PIK3CB: variants seen among roughly 807,000 people sequenced by gnomAD.
The protein encoded by PIK3CB is phosphatidylinositol 4,5-bisphosphate 3-kinase catalytic subunit beta isoform.
In PIK3CB, 39 loss-of-function variants were observed where a neutral mutation model predicts 136.8. The ratio of observed to expected loss-of-function variants is 0.29; its 90% CI spans 0.22 to 0.37. The LOEUF (loss-of-function observed/expected upper bound fraction) is 0.37, where lower values mean the gene tolerates loss of function less well. PIK3CB is among the 10% of genes least tolerant of loss of function. The pLI, the probability that PIK3CB is intolerant of heterozygous loss-of-function variation, is 1.00. For synonymous variants in PIK3CB, 428 were observed against 436.6 expected, an observed-to-expected ratio of 0.98 and a Z score of 0.25; for missense variants, 868 against 1,275.4, an observed-to-expected ratio of 0.68 and a Z score of 4.87.
chr3:138,779,435 G>C (rs1216093633), intron 2 of PIK3CB, among the ~76,000 whole-genome samples: 1 of 130,610 alleles, frequency 7.7e-6, no homozygotes, highest in Non-Finnish European at 1.5e-5. Context: ...CTGTCACCCA[G>C]GATGGAGTAC....
rs776875848 is a variant in PIK3CB, at chr3:138,785,216, CG to C, written c.-17+11246del. 3.7e-3 allele frequency among the ~76,000 whole-genome samples: 553 copies of C among 151,390 alleles called. 3 individuals are homozygous for C. The highest frequency in any genetic ancestry group is 6.9e-3 in the Middle Eastern group (2 of 290). On this transcript the variant is annotated intron_variant, in intron 2 of 23. Transcript: ENST00000674063. Reference sequence around the variant, plus strand: ...GGGGGGCAGCCCCCGCCCGGCCAGCCGCCCTGTCCCGGAGGGAGGCGGGGGG... The same window carrying C: ...GGGGGGCAGCCCCCGCCCGGCCAGCCCCCTGTCCCGGAGGGAGGCGGGGGG...
intron 1 of PIK3CB, among the ~76,000 whole-genome samples, chr3:138,820,463 C>A (rs1243162747): frequency 6.6e-6 from 1 of 152,144 alleles, no homozygotes; most frequent in Non-Finnish European, 1.5e-5. Context: ...TAAAATGATT[C>A]CACATCAGTA....
At chr3:138,699,176 A>G in intron 12 of PIK3CB, 81 bp from the exon 13 acceptor site, 1 of 413,296 alleles carries the variant, frequency 2.4e-6, no homozygotes, top group Non-Finnish European at 4.0e-6. Flanking sequence ...ATATATTTAT[A>G]TATAATAAAT....
Position 138,654,994 on chromosome 3 carries a change from C to A in PIK3CB, c.*395G>T. Reference sequence around the variant, plus strand: ...TTTGGACAGTAAGAACAGCCACCAACCCCCAGGTGTGGAAAAGTTGTTGGC... The same window carrying A: ...TTTGGACAGTAAGAACAGCCACCAAACCCCAGGTGTGGAAAAGTTGTTGGC... On this transcript the variant is annotated 3_prime_UTR_variant, in exon 24 of 24. Coordinates refer to ENST00000674063, the MANE Select transcript of PIK3CB (RefSeq NM_006219.3). 1 of 232,058 alleles carries A rather than the reference C, an allele frequency of 4.3e-6. No individual in the cohort carries two copies. The highest frequency in any genetic ancestry group is 8.5e-6 in the Non-Finnish European group (1 of 117,704). 14.4% of individuals were successfully genotyped at this position (232,058 alleles called of 1,614,324 possible). A position where few individuals can be genotyped will look rare whatever the true frequency, so the allele number is the denominator to read the frequency against.
intron 1 of PIK3CB, among the ~76,000 whole-genome samples, chr3:138,811,794 GA>G (rs576998037): frequency 3.4e-5 from 5 of 146,122 alleles, no homozygotes; most frequent in East Asian, 2.0e-4. Flanking sequence ...TATGCTGACT[GA>G]AAAAAAAAAC....
intron 21 of PIK3CB, 73 bp downstream of exon 21, chr3:138,663,833 T>C: frequency 6.8e-7 from 1 of 1,462,460 alleles, no homozygotes; most frequent in Non-Finnish European, 9.3e-7. Flanking sequence ...CTGGCTGAGT[T>C]GCACAAGAGA....
chr3:138,746,800 G>C (rs965410599), intron 4 of PIK3CB, among the ~76,000 whole-genome samples: 1 of 150,888 alleles, frequency 6.6e-6, no homozygotes, highest in African/African-American at 2.4e-5. Flanking sequence ...GCCTTTTCTT[G>C]AATCAGATTA....
At chr3:138,771,570 T>C (rs1400685839) in intron 2 of PIK3CB, among the ~76,000 whole-genome samples, 1 of 152,220 alleles carries the variant, frequency 6.6e-6, no homozygotes, top group Non-Finnish European at 1.5e-5. Context: ...GCTATAATTA[T>C]ATGTAAGAGC....
chr3:138,778,693 CT>C, intron 2 of PIK3CB: 1 of 210,418 alleles, frequency 4.8e-6, no homozygotes, highest in Non-Finnish European at 9.7e-6. Flanking sequence ...ACTTTTCCAC[CT>C]TCAATGTTGG....
intron 1 of PIK3CB, among the ~76,000 whole-genome samples, chr3:138,834,071 A>C (rs547987448): frequency 6.6e-6 from 1 of 152,252 alleles, no homozygotes; most frequent in African/African-American, 2.4e-5. Flanking sequence ...GCCAGGAATT[A>C]GCAATAGCTA....
chr3:138,719,433 A>C (rs2044681581), intron 8 of PIK3CB, among the ~76,000 whole-genome samples: 1 of 151,874 alleles, frequency 6.6e-6, no homozygotes, highest in African/African-American at 2.4e-5. Flanking sequence ...TTTAGTAAAG[A>C]CAGGGTTTCG....
intron 1 of PIK3CB, among the ~76,000 whole-genome samples, chr3:138,828,410 C>A (rs1394317132): frequency 6.6e-6 from 1 of 151,862 alleles, no homozygotes; most frequent in African/African-American, 2.4e-5. Flanking sequence ...TGGTCTCGAT[C>A]TCCTGACCTT....
intron 2 of PIK3CB, among the ~76,000 whole-genome samples, chr3:138,775,632 G>T (rs1379141762): frequency 2.0e-5 from 3 of 152,130 alleles, no homozygotes; most frequent in Admixed American, 1.3e-4. Context: ...GCACCACAAT[G>T]TTGCTGTCAT....
intron 10 of PIK3CB, chr3:138,707,626 A>T: frequency 1.2e-6 from 1 of 849,602 alleles, no homozygotes; most frequent in Non-Finnish European, 1.5e-6. Context: ...CTATAATCTC[A>T]TCACTACATA....
At chr3:138,665,659 G>T (rs551577088) in intron 19 of PIK3CB, among the ~76,000 whole-genome samples, 144 of 152,218 alleles carry the variant, frequency 9.5e-4, no homozygotes, top group Admixed American at 1.6e-3. Context: ...GCCTCTACTT[G>T]CCAGCCTCCA....
Position 138,707,189 on chromosome 3 carries a change from T to C in PIK3CB, c.1500A>G (p.Lys500=). The stretch of plus-strand genomic sequence containing the variant: ...CGAAGGGAGGGTAATAATAAGGTTG[T>C]TTTTTATTCTCTGGAAATTTAACAT... ...ALHVKFPENK[K]QPYYYPPFDK... Residue 500 remains lysine, a synonymous_variant, in exon 11 of 24, where the codon AAA becomes AAG. Transcript: ENST00000674063. The C allele has an allele frequency of 6.2e-7, 1 of 1,609,538 alleles. No individual in the cohort carries two copies. Among genetic ancestry groups the C allele is most frequent in the Middle Eastern group, 1.7e-4 (1 of 6,048 alleles).
chr3:138,733,439 C>T lies in PIK3CB; in HGVS notation c.973-1G>A, dbSNP rs2045032494. On this transcript the variant is annotated splice_acceptor_variant, in intron 7 of 23. Transcript: ENST00000674063. LOFTEE classifies it high-confidence loss of function. ...AAGGGTTGTTATTTTCCCAAACATG[C>T]TGTAAAAGAATAAAATAAATACAAA... The T allele has an allele frequency of 1.4e-6, 2 of 1,432,070 alleles. No homozygotes were observed. Among genetic ancestry groups the T allele is most frequent in the Non-Finnish European group, 9.8e-7 (1 of 1,020,562 alleles). The allele number at this position is 1,432,070 out of a possible 1,614,324, so 88.7% of individuals were successfully genotyped here. A position where few individuals can be genotyped will look rare whatever the true frequency, so the allele number is the denominator to read the frequency against.
intron 10 of PIK3CB, among the ~76,000 whole-genome samples, chr3:138,711,422 A>T (rs891145468): frequency 2.6e-5 from 4 of 151,774 alleles, no homozygotes; most frequent in Non-Finnish European, 5.9e-5. Context: ...TCTACTAAAA[A>T]TACAAAATTA....
At chr3:138,672,649 G>A (rs1302220608) in intron 19 of PIK3CB, among the ~76,000 whole-genome samples, 1 of 152,206 alleles carries the variant, frequency 6.6e-6, no homozygotes, top group African/African-American at 2.4e-5. Flanking sequence ...GCTCACGCCT[G>A]TAATCCCAGC....
Sources: gnomAD v4.1 joint callset for allele counts (sites outside exome capture counted in the v4.1 genomes callset) on GRCh38, gnomAD v4.1.1 for gene constraint, MANE v1.5 for transcripts, NCBI Gene and HGNC (gene_info 2026-07-23, HGNC 2026-07-21) for gene names.